Variants in VAPA observed in about 807,000 individuals in gnomAD.
VAPA encodes the protein vesicle-associated membrane protein-associated protein A.
In VAPA, 6 loss-of-function variants were observed where a neutral mutation model predicts 25.6. The ratio of observed to expected loss-of-function variants is 0.23; its 90% CI spans 0.13 to 0.46. The LOEUF (loss-of-function observed/expected upper bound fraction) is 0.46. Among genes scored for constraint, VAPA ranks in the 20% least tolerant of loss-of-function variants. The pLI, the probability that VAPA is intolerant of heterozygous loss-of-function variation, is 0.99. For synonymous variants in VAPA, 112 were observed against 106.2 expected (o/e 1.05, Z -0.34); for missense variants, 244 against 302.1 (o/e 0.81, Z 1.43).
At chr18:9,947,498 G>C (rs1386317200) in intron 4 of VAPA, 3 of 152,200 alleles carry the variant, frequency 2.0e-5, no homozygotes, top group Non-Finnish European at 4.4e-5. Context: ...TCAGATGGAG[G>C]ATTACTGCAG....
intron 4 of VAPA, among the ~76,000 whole-genome samples, chr18:9,943,809 C>T (rs1261100010): frequency 1.4e-5 from 2 of 142,832 alleles, no homozygotes; most frequent in African/African-American, 2.6e-5. Flanking sequence ...CATTTATGTC[C>T]TCCATCTGAC....
At chr18:9,918,879 C>A (rs2069134272) in intron 1 of VAPA, among the ~76,000 whole-genome samples, 1 of 152,162 alleles carries the variant, frequency 6.6e-6, no homozygotes. Flanking sequence ...ACTACCCATG[C>A]CTACTCTTCT....
rs1392905448 is a variant in VAPA at position 9,954,747 on chromosome 18, G to A, written c.*536G>A. 1 of 152,572 alleles carries A rather than the reference G, an allele frequency of 6.6e-6. No individual in the cohort carries two copies. The highest frequency in any genetic ancestry group is 1.9e-4 in the East Asian group (1 of 5,206). The allele number at this position is 152,572 out of a possible 1,614,324, so 9.5% of individuals were successfully genotyped here. On this transcript the variant is annotated 3_prime_UTR_variant, in exon 6 of 6. Coordinates refer to ENST00000400000, the MANE Select transcript of VAPA (RefSeq NM_194434.3). ...ATCCCTTGTGAGGCAGTTGTTGACT[G>A]AGTTTTTCATCCTTACAATCCTGTC...
chr18:9,920,642 G>C (rs544602151), intron 1 of VAPA, among the ~76,000 whole-genome samples: 3 of 152,306 alleles, frequency 2.0e-5, no homozygotes, highest in Non-Finnish European at 2.9e-5. Flanking sequence ...ACTGCTGCTG[G>C]AACTACGCTT....
rs2069571253 is a variant in VAPA, at chr18:9,958,303, A to G, written c.*4092A>G. On this transcript the variant is annotated 3_prime_UTR_variant, in exon 6 of 6. Transcript: ENST00000400000. ...GGTTATGGACATTTTATAATGTAAC[A>G]TTTGATTGGCCTGGCCTCTTGACAA... The G allele has an allele frequency of 6.6e-6, 1 of 152,202 alleles. No homozygotes were observed. Among genetic ancestry groups the G allele is most frequent in the Admixed American group, 6.5e-5 (1 of 15,286 alleles). The allele number at this position is 152,202 out of a possible 1,614,324, so 9.4% of individuals were successfully genotyped here. A position where few individuals can be genotyped will look rare whatever the true frequency, so the allele number is the denominator to read the frequency against.
intron 1 of VAPA, among the ~76,000 whole-genome samples, chr18:9,927,613 A>T (rs1018058356): frequency 3.9e-5 from 6 of 152,064 alleles, no homozygotes; most frequent in Non-Finnish European, 7.4e-5. Flanking sequence ...GGACTGACTA[A>T]AAAGGGTATT....
chr18:9,934,802 G>A (rs1424773144), intron 2 of VAPA, among the ~76,000 whole-genome samples: 1 of 152,010 alleles, frequency 6.6e-6, no homozygotes, highest in African/African-American at 2.4e-5. Context: ...CTTAAAAGAC[G>A]AGAAATTATA....
intron 4 of VAPA, among the ~76,000 whole-genome samples, chr18:9,941,952 TTG>T (rs1178261703): frequency 1.3e-5 from 2 of 152,346 alleles, no homozygotes; most frequent in Non-Finnish European, 2.9e-5. Flanking sequence ...ATAGTTATGA[TTG>T]TGATATAGAG....
At chr18:9,923,833 T>C (rs2069177094) in intron 1 of VAPA, 1 of 152,196 alleles carries the variant, frequency 6.6e-6, no homozygotes, top group Non-Finnish European at 1.5e-5. Context: ...CAAATTAAGC[T>C]ACTATGGGTA....
rs1166887052 is a variant in VAPA, at chr18:9,959,864, T to G, written c.*5653T>G. The G allele has an allele frequency of 6.6e-6, 1 of 152,120 alleles. No homozygotes were observed. The highest frequency in any genetic ancestry group is 1.5e-5 in the Non-Finnish European group (1 of 68,010). 9.4% of individuals were successfully genotyped at this position (152,120 alleles called of 1,614,324 possible). Reference sequence around the variant, plus strand: ...AATTACAGTTGTGGGGAGCAAACTTTCTTTTTTGTGCTGTTTTAATTCAAA... The same window carrying G: ...AATTACAGTTGTGGGGAGCAAACTTGCTTTTTTGTGCTGTTTTAATTCAAA... On this transcript the variant is annotated 3_prime_UTR_variant, in exon 6 of 6. Transcript: ENST00000400000.
intron 1 of VAPA, among the ~76,000 whole-genome samples, chr18:9,922,004 G>A (rs145732405): frequency 4.6e-4 from 70 of 151,540 alleles, no homozygotes; most frequent in African/African-American, 1.6e-3. Flanking sequence ...TTTTTGCAGC[G>A]GTCTCACTCT....
At chr18:9,926,673 C>G (rs1159352773) in intron 1 of VAPA, among the ~76,000 whole-genome samples, 1 of 152,122 alleles carries the variant, frequency 6.6e-6, no homozygotes, top group Non-Finnish European at 1.5e-5. Context: ...AAACCCTGAG[C>G]TTAGAGAACC....
At chr18:9,934,412 A>C (rs1345479817) in intron 2 of VAPA, among the ~76,000 whole-genome samples, 1 of 152,218 alleles carries the variant, frequency 6.6e-6, no homozygotes, top group African/African-American at 2.4e-5. Flanking sequence ...TATAATCATT[A>C]ACTCAGTGAA....
intron 4 of VAPA, among the ~76,000 whole-genome samples, chr18:9,944,723 T>C (rs539035793): frequency 1.3e-5 from 2 of 152,384 alleles, no homozygotes; most frequent in East Asian, 3.9e-4. Flanking sequence ...TAATTTTGTT[T>C]GGGAAATACA....
At chr18:9,943,901 C>T (rs540514856) in intron 4 of VAPA, among the ~76,000 whole-genome samples, 3 of 113,240 alleles carry the variant, frequency 2.6e-5, no homozygotes, top group South Asian at 6.2e-4. Flanking sequence ...CGCTCTGTCA[C>T]CCAGGCTGGA....
intron 3 of VAPA, 192 bp from the exon 4 acceptor site, chr18:9,936,794 A>G (rs943331069): frequency 6.3e-6 from 3 of 477,056 alleles, no homozygotes; most frequent in African/African-American, 6.0e-5. Context: ...ATGGATGGTG[A>G]TAGTAACTAG....
intron 1 of VAPA, 146 bp downstream of exon 1, chr18:9,914,481 T>C: frequency 1.6e-6 from 1 of 615,448 alleles, no homozygotes; most frequent in Non-Finnish European, 2.5e-6. Context: ...TCCCGGCTGC[T>C]TTCTTGCCGC....
intron 1 of VAPA, among the ~76,000 whole-genome samples, chr18:9,916,208 A>G (rs575963235): frequency 6.6e-6 from 1 of 152,352 alleles, no homozygotes; most frequent in Admixed American, 6.5e-5. Context: ...TTAAAAAACA[A>G]GCAAAAGCCC....
At chr18:9,920,401 C>A (rs2069146630) in intron 1 of VAPA, among the ~76,000 whole-genome samples, 2 of 152,216 alleles carry the variant, frequency 1.3e-5, no homozygotes, top group African/African-American at 2.4e-5. Flanking sequence ...CTCCCGAGTT[C>A]AAGCGATGCT....
Sources: allele counts gnomAD v4.1 joint callset (sites outside exome capture counted in the v4.1 genomes callset), GRCh38; gene constraint gnomAD v4.1.1; transcripts MANE v1.5; gene names NCBI Gene and HGNC (gene_info 2026-07-23, HGNC 2026-07-21).